The following C1QTNF3 variants were observed in gnomAD, a reference collection of about 807,000 sequenced individuals.
C1QTNF3 encodes the protein C1q and TNF related 3, also known as complement C1q tumor necrosis factor-related protein 3.
C1QTNF3 carries 26 observed loss-of-function variants against 32.6 expected under a neutral mutation model. The ratio of observed to expected loss-of-function variants is 0.80; its 90% CI spans 0.58 to 1.11. The LOEUF (loss-of-function observed/expected upper bound fraction) is 1.11, where lower values mean the gene tolerates loss of function less well. C1QTNF3 is among the 50% of genes least tolerant of loss of function. The probability of loss-of-function intolerance (pLI) is 0.00; values close to 1 mark genes in which losing one functional copy is unlikely to be tolerated. For missense variants in C1QTNF3, 362 were observed against 398.2 expected (o/e 0.91, Z 0.77); for synonymous variants, 155 against 146.0 (o/e 1.06, Z -0.44).
At chr5:34,031,410 G>A (rs373279055) in intron 3 of C1QTNF3, among the ~76,000 whole-genome samples, 26 of 152,186 alleles carry the variant, frequency 1.7e-4, no homozygotes, top group African/African-American at 5.3e-4. Flanking sequence ...TAGGTTATGG[G>A]TTAGAGTGTC....
upstream of C1QTNF3, among the ~76,000 whole-genome samples, chr5:34,044,479 C>G (rs1345597289): frequency 6.6e-6 from 1 of 152,098 alleles, no homozygotes; most frequent in Non-Finnish European, 1.5e-5. Flanking sequence ...AGAGTCAGAG[C>G]AGCTGGGGAA....
chr5:34,226,433 A>C, the C1QTNF3 span, among the ~76,000 whole-genome samples: 2 of 135,926 alleles, frequency 1.5e-5, no homozygotes, highest in African/African-American at 5.2e-5. Context: ...AGACTGGTAC[A>C]ATAACTATCT....
chr5:34,124,783 TTTTTG>T, the C1QTNF3 span, among the ~76,000 whole-genome samples: 4 of 152,168 alleles, frequency 2.6e-5, no homozygotes, highest in African/African-American at 4.8e-5. Context: ...CCTCAAATAG[TTTTTG>T]TTTTAAGTAA....
At chr5:34,223,963 C>T in the C1QTNF3 span, among the ~76,000 whole-genome samples, 1 of 152,094 alleles carries the variant, frequency 6.6e-6, no homozygotes, top group African/African-American at 2.4e-5. Flanking sequence ...TCCCAGGTTA[C>T]AAAATCAATG....
the C1QTNF3 span, among the ~76,000 whole-genome samples, chr5:34,103,950 CTTA>C: frequency 6.6e-6 from 1 of 151,442 alleles, no homozygotes; most frequent in African/African-American, 2.4e-5. Flanking sequence ...CTATTAAAAG[CTTA>C]TTGACTTGAT....
the C1QTNF3 span, among the ~76,000 whole-genome samples, chr5:34,071,569 T>G: frequency 0.075 from 11,355 of 151,918 alleles, 1,340 homozygotes; most frequent in African/African-American, 0.25. Context: ...ATTCGTACAA[T>G]GTACAGCCAT....
At chr5:34,068,888 T>C in the C1QTNF3 span, among the ~76,000 whole-genome samples, 2 of 152,160 alleles carry the variant, frequency 1.3e-5, no homozygotes, top group Non-Finnish European at 2.9e-5. Context: ...ATTATTTGAT[T>C]AGTTATAGAT....
chr5:34,124,355 T>C, the C1QTNF3 span: 1 of 696,626 alleles, frequency 1.4e-6, no homozygotes, highest in Non-Finnish European at 2.7e-6. Context: ...ACTAGGTAAC[T>C]TATAAGAAGA....
In C1QTNF3 at chr5:34,020,597, A is replaced by G. The variant is rs1754300121; in HGVS notation, c.946T>C (p.Phe316Leu). The G allele has an allele frequency of 2.5e-6, 4 of 1,614,086 alleles. No individual in the cohort carries two copies. In the East Asian group the frequency reaches 8.9e-5, roughly 36 times the overall value. Residue 316 changes from phenylalanine to leucine, a missense_variant, in exon 6 of 6, where the codon TTT becomes CTT. Physicochemically the swap from Phe to Leu is conservative, Grantham distance 22 (BLOSUM62 0). Transcript: ENST00000382065. ...TAGTCATATATTTACTTAGTTTCAA[A>G]GAGCAGGAATCCTGCAAAGGTGGAG... The part of the protein sequence containing the change: ...RFSTFAGFLL[F>L]ETK
chr5:34,073,278 G>T, the C1QTNF3 span, among the ~76,000 whole-genome samples: 1 of 150,482 alleles, frequency 6.6e-6, no homozygotes, highest in East Asian at 2.0e-4. Context: ...AGTGAGCCGA[G>T]ATCGCGCCAC....
chr5:34,235,103 T>C, the C1QTNF3 span, among the ~76,000 whole-genome samples: 5 of 152,238 alleles, frequency 3.3e-5, no homozygotes, highest in East Asian at 9.7e-4. Context: ...TTAAGGTCAT[T>C]TGAAATCATA....
At chr5:34,051,545 T>C in the C1QTNF3 span, among the ~76,000 whole-genome samples, 2 of 152,240 alleles carry the variant, frequency 1.3e-5, no homozygotes, top group African/African-American at 4.8e-5. Context: ...AAGTATGTGC[T>C]GTACTGGTTA....
At chr5:34,164,843 C>CAA in the C1QTNF3 span, 1 of 151,354 alleles carries the variant, frequency 6.6e-6, no homozygotes, top group Non-Finnish European at 1.5e-5. Context: ...CACACACACA[C>CAA]GAAAAGCCTG....
chr5:34,178,058 A>C, the C1QTNF3 span, among the ~76,000 whole-genome samples: 3 of 149,922 alleles, frequency 2.0e-5, no homozygotes, highest in Non-Finnish European at 4.4e-5. Flanking sequence ...CTTGAGGTCA[A>C]AAGTTCAAGA....
the C1QTNF3 span, among the ~76,000 whole-genome samples, chr5:34,196,397 C>G: frequency 5.3e-5 from 8 of 152,290 alleles, no homozygotes; most frequent in African/African-American, 1.4e-4. Flanking sequence ...CTCGGCCTCC[C>G]AAAGTGTTAG....
chr5:34,128,824 A>G, the C1QTNF3 span, among the ~76,000 whole-genome samples: 1 of 152,204 alleles, frequency 6.6e-6, no homozygotes, highest in Non-Finnish European at 1.5e-5. Context: ...TGTCTCAGAA[A>G]GACTTTGGAC....
At chr5:34,038,445 C>T (rs1754791714) in intron 1 of C1QTNF3, among the ~76,000 whole-genome samples, 1 of 152,098 alleles carries the variant, frequency 6.6e-6, no homozygotes, top group African/African-American at 2.4e-5. Context: ...TGTGGCAAAT[C>T]TCTTATTAAA....
chr5:34,046,982 C>G (rs1754997044), upstream of C1QTNF3, among the ~76,000 whole-genome samples: 1 of 152,190 alleles, frequency 6.6e-6, no homozygotes, highest in Non-Finnish European at 1.5e-5. Context: ...ATTATTAAAT[C>G]TTACTTGGTT....
the C1QTNF3 span, among the ~76,000 whole-genome samples, chr5:34,072,367 G>GAA: frequency 9.1e-6 from 1 of 109,684 alleles, no homozygotes; most frequent in Non-Finnish European, 1.9e-5. Context: ...AATTAAAAAA[G>GAA]AAAGAGAAAG....
Sources: allele counts gnomAD v4.1 joint callset (sites outside exome capture counted in the v4.1 genomes callset), GRCh38; gene constraint gnomAD v4.1.1; transcripts MANE v1.5; gene names NCBI Gene and HGNC (gene_info 2026-07-23, HGNC 2026-07-21).